The following ZFHX3 variants were observed in gnomAD, a reference collection of about 807,000 sequenced individuals.
ZFHX3 encodes zinc finger homeobox protein 3.
In ZFHX3, 42 loss-of-function variants were observed where a neutral mutation model predicts 279.1. That is an observed-to-expected ratio of 0.15 (90% CI 0.12 to 0.19). The LOEUF (loss-of-function observed/expected upper bound fraction) is 0.19. ZFHX3 is among the 10% of genes least tolerant of loss of function. The probability of loss-of-function intolerance (pLI) is 1.00; values close to 1 mark genes in which losing one functional copy is unlikely to be tolerated. For missense variants in ZFHX3, 4,981 were observed against 4,754.0 expected (o/e 1.05, Z -1.40); for synonymous variants, 2,293 against 1,957.8 (o/e 1.17, Z -4.52).
intron 1 of ZFHX3, among the ~76,000 whole-genome samples, chr16:73,871,423 G>C (rs58783075): frequency 6.6e-6 from 1 of 151,790 alleles, no homozygotes; most frequent in Admixed American, 6.6e-5. Context: ...TTAACCCAAC[G>C]TGATTACAAT....
chr16:73,581,250 T>C (rs1275333156), intron 2 of ZFHX3, among the ~76,000 whole-genome samples: 3 of 151,862 alleles, frequency 2.0e-5, no homozygotes, highest in Non-Finnish European at 4.4e-5. Flanking sequence ...AATAAACTAG[T>C]GGCATTAATG....
intron 5 of ZFHX3, among the ~76,000 whole-genome samples, chr16:73,221,619 T>C (rs1332857137): frequency 6.6e-6 from 1 of 152,234 alleles, no homozygotes; most frequent in East Asian, 1.9e-4. Flanking sequence ...AAAAAATGTA[T>C]GGGAACTCCC....
At chr16:73,588,090 A>T (rs1327666387) in intron 2 of ZFHX3, among the ~76,000 whole-genome samples, 2 of 148,242 alleles carry the variant, frequency 1.3e-5, no homozygotes, top group Non-Finnish European at 2.9e-5. Context: ...AAAAATCAAC[A>T]ACGTAAGGTA....
chr16:73,831,564 G>T (rs1331420198), intron 1 of ZFHX3, among the ~76,000 whole-genome samples: 1 of 152,212 alleles, frequency 6.6e-6, no homozygotes, highest in Non-Finnish European at 1.5e-5. Flanking sequence ...ACCAGCTACA[G>T]ATTCTGCAGC....
chr16:73,559,258 G>A (rs2020334208), intron 2 of ZFHX3, among the ~76,000 whole-genome samples: 3 of 152,100 alleles, frequency 2.0e-5, no homozygotes, highest in South Asian at 4.2e-4. Context: ...ATGTTTCCCA[G>A]GCTGGTCTCA....
At chr16:73,525,018 T>C (rs1215398410) in intron 2 of ZFHX3, among the ~76,000 whole-genome samples, 1 of 152,046 alleles carries the variant, frequency 6.6e-6, no homozygotes. Flanking sequence ...CTGTGACTGG[T>C]AGAAACCCCC....
chr16:73,848,954 T>C (rs751412997), intron 1 of ZFHX3, among the ~76,000 whole-genome samples: 44 of 152,364 alleles, frequency 2.9e-4, no homozygotes, highest in Non-Finnish European at 5.3e-4. Flanking sequence ...CCCAAGGGTT[T>C]TCTTTTGAGG....
intron 1 of ZFHX3, among the ~76,000 whole-genome samples, chr16:72,977,559 C>T (rs1962402501): frequency 6.7e-6 from 1 of 149,140 alleles, no homozygotes; most frequent in East Asian, 1.9e-4. Context: ...TGAGTTGTTC[C>T]CCAACTATTA....
intron 2 of ZFHX3, chr16:73,554,885 A>G (rs2020251759): frequency 6.6e-6 from 1 of 152,062 alleles, no homozygotes; most frequent in Admixed American, 6.5e-5. Context: ...TTATAAATAG[A>G]CCTGACCTTC....
chr16:73,570,535 A>G (rs1360848226), intron 2 of ZFHX3, among the ~76,000 whole-genome samples: 1 of 152,208 alleles, frequency 6.6e-6, no homozygotes, highest in African/African-American at 2.4e-5. Context: ...CAGGTTTTCC[A>G]AAATGGCGAC....
chr16:73,135,511 C>T (rs1017845475), intron 6 of ZFHX3, among the ~76,000 whole-genome samples: 2 of 152,202 alleles, frequency 1.3e-5, no homozygotes, highest in Non-Finnish European at 2.9e-5. Flanking sequence ...CCATTCCAAG[C>T]TTTCGACCCT....
At chr16:73,018,147 G>C (rs534778334) in intron 1 of ZFHX3, among the ~76,000 whole-genome samples, 1 of 151,616 alleles carries the variant, frequency 6.6e-6, no homozygotes, top group African/African-American at 2.4e-5. Flanking sequence ...CATCACACCC[G>C]GCTAATTTTG....
chr16:73,314,851 C>T (rs960799891), intron 4 of ZFHX3, among the ~76,000 whole-genome samples: 1 of 152,248 alleles, frequency 6.6e-6, no homozygotes, highest in East Asian at 1.9e-4. Flanking sequence ...GCACCTTCCA[C>T]TTTCCCATAA....
At chr16:73,528,433 G>A (rs750413619) in intron 2 of ZFHX3, among the ~76,000 whole-genome samples, 7 of 152,146 alleles carry the variant, frequency 4.6e-5, no homozygotes, top group Non-Finnish European at 7.4e-5. Flanking sequence ...ACTATTTATT[G>A]AGGATGCAAA....
Position 72,796,430 on chromosome 16 carries a change from C to A in ZFHX3, c.6252G>T (p.Pro2084=), listed in dbSNP as rs1186930210. 1 of 1,610,580 alleles carries A rather than the reference C, an allele frequency of 6.2e-7. No homozygotes were observed. The highest frequency in any genetic ancestry group is 8.5e-7 in the Non-Finnish European group (1 of 1,179,906). The change falls in exon 9 of 10, where the codon CCG becomes CCT. Residue 2084 remains proline, a synonymous_variant. Transcript: ENST00000268489. The stretch of plus-strand genomic sequence containing the variant: ...CCATCGGCATGGAGAGCTGGGTGAG[C>A]GGCACTGATGGCTGGGCCGGTGCAA... ...PTIAPAQPSV[P]LTQLSMPMEL... is the part of the protein sequence containing the mutation.
intron 3 of ZFHX3, among the ~76,000 whole-genome samples, chr16:73,367,012 C>T (rs2016542257): frequency 6.6e-6 from 1 of 151,802 alleles, no homozygotes; most frequent in African/African-American, 2.4e-5. Flanking sequence ...TCAACGCTGA[C>T]ACACTCATAC....
chr16:73,806,083 G>A (rs865944500), intron 1 of ZFHX3, among the ~76,000 whole-genome samples: 2 of 152,208 alleles, frequency 1.3e-5, no homozygotes, highest in Non-Finnish European at 2.9e-5. Context: ...AATGGGTGAC[G>A]AGCAAAGGGG....
Position 73,750,913 on chromosome 16 carries a change from C to A in ZFHX3, c.-1607-70673G>T, listed in dbSNP as rs143846184. Among the ~76,000 whole-genome samples the A allele has an allele frequency of 8.7e-4, 132 of 152,250 alleles. 4 individuals are homozygous for A. The East Asian group carries it at 0.016, about 18-fold the overall frequency. On this transcript the variant is annotated intron_variant, in intron 1 of 17. Coordinates refer to the ZFHX3 transcript ENST00000641206. ...AAATGAACATAATTTGACTAAATAACAACCTAAGGGACTATGATAACCATC... is the reference window on the plus strand; with the variant it reads ...AAATGAACATAATTTGACTAAATAAAAACCTAAGGGACTATGATAACCATC...
chr16:72,853,596 T>A (rs1361857258), intron 4 of ZFHX3, among the ~76,000 whole-genome samples: 1 of 152,244 alleles, frequency 6.6e-6, no homozygotes, highest in Non-Finnish European at 1.5e-5. Context: ...AGTTTACTTT[T>A]ATTTTATTTT....
Sources: gnomAD v4.1 joint callset for allele counts (sites outside exome capture counted in the v4.1 genomes callset) on GRCh38, gnomAD v4.1.1 for gene constraint, MANE v1.5 for transcripts, NCBI Gene and HGNC (gene_info 2026-07-23, HGNC 2026-07-21) for gene names.